HMCN1: variants seen among roughly 807,000 people sequenced by gnomAD.
HMCN1 encodes the protein hemicentin-1.
In HMCN1, 321 loss-of-function variants were observed where a neutral mutation model predicts 625.9. The ratio of observed to expected loss-of-function variants is 0.51; its 90% CI spans 0.47 to 0.56. The LOEUF is 0.56. Among genes scored for constraint, HMCN1 ranks in the 20% least tolerant of loss-of-function variants. The pLI is 0.00. For synonymous variants in HMCN1, 2,425 were observed against 2,417.6 expected (o/e 1.00, Z -0.09); for missense variants, 6,588 against 6,887.3 (o/e 0.96, Z 1.54).
intron 4 of HMCN1, 54 bp from the exon 5 acceptor site, chr1:185,909,283 A>G: frequency 7.0e-7 from 1 of 1,418,882 alleles, no homozygotes; most frequent in Non-Finnish European, 1.0e-6. Context: ...CAGCAATGAT[A>G]TAAAACTGCG....
At chr1:186,176,768 C>CAT (rs1327918277) in intron 103 of HMCN1, 1 of 148,586 alleles carries the variant, frequency 6.7e-6, no homozygotes, top group Non-Finnish European at 1.5e-5. Flanking sequence ...CATAAGGAAA[C>CAT]ATAAAACATA....
intron 50 of HMCN1, 97 bp from the exon 51 acceptor site, chr1:186,069,566 A>G: frequency 2.6e-6 from 2 of 767,040 alleles, no homozygotes; most frequent in South Asian, 2.9e-5. Flanking sequence ...ATGTAAAAAG[A>G]AATATGTTAA....
intron 80 of HMCN1, among the ~76,000 whole-genome samples, chr1:186,122,466 T>G (rs561600901): frequency 2.0e-5 from 3 of 152,310 alleles, no homozygotes; most frequent in Admixed American, 2.0e-4. Flanking sequence ...CATGATCTAT[T>G]TATGTATTCA....
At chr1:185,883,446 A>G (rs558191282) in intron 4 of HMCN1, among the ~76,000 whole-genome samples, 2 of 151,906 alleles carry the variant, frequency 1.3e-5, no homozygotes, top group Admixed American at 1.3e-4. Context: ...TTGACAACTG[A>G]TTTGTTTTCC....
At chr1:186,164,956 G>T (rs968068189) in intron 97 of HMCN1, among the ~76,000 whole-genome samples, 155 bp from the exon 98 acceptor site, 2 of 152,168 alleles carry the variant, frequency 1.3e-5, no homozygotes, top group African/African-American at 4.8e-5. Context: ...TTTAGAAACA[G>T]GAAAAGTTTT....
intron 1 of HMCN1, among the ~76,000 whole-genome samples, chr1:185,768,963 G>A (rs1016675418): frequency 3.3e-5 from 5 of 152,086 alleles, no homozygotes; most frequent in Non-Finnish European, 7.4e-5. Flanking sequence ...CTGGTACATA[G>A]CAGGTTAAAA....
chr1:185,777,030 C>G (rs943183966), intron 1 of HMCN1, among the ~76,000 whole-genome samples: 5 of 152,172 alleles, frequency 3.3e-5, no homozygotes, highest in Admixed American at 1.3e-4. Flanking sequence ...ACTTACTGTT[C>G]AAGTGTAAAA....
At chr1:186,137,728 A>G (rs1359968908) in intron 88 of HMCN1, 60 bp downstream of exon 88, 1 of 1,613,746 alleles carries the variant, frequency 6.2e-7, no homozygotes. Context: ...TCTGTCTTCT[A>G]CCTATGGATT....
chr1:185,895,031 T>C (rs971107117), intron 4 of HMCN1, among the ~76,000 whole-genome samples: 3 of 152,210 alleles, frequency 2.0e-5, no homozygotes, highest in African/African-American at 7.2e-5. Context: ...GAGTTAGTTA[T>C]GTGAATGCCT....
At chr1:186,178,817 A>G in intron 104 of HMCN1, 51 bp downstream of exon 104, 1 of 1,190,384 alleles carries the variant, frequency 8.4e-7, no homozygotes, top group Non-Finnish European at 1.3e-6. Flanking sequence ...CTTACTGATC[A>G]AAGTATGTGT....
chr1:186,079,596 T>G (rs530916005), intron 55 of HMCN1, among the ~76,000 whole-genome samples: 1 of 152,286 alleles, frequency 6.6e-6, no homozygotes, highest in Admixed American at 6.5e-5. Context: ...GCCTATTCCT[T>G]GACCAAACAC....
At chr1:185,902,455 T>C (rs1665873010) in intron 4 of HMCN1, among the ~76,000 whole-genome samples, 1 of 147,282 alleles carries the variant, frequency 6.8e-6, no homozygotes, top group Non-Finnish European at 1.5e-5. Flanking sequence ...ATCTATCTAA[T>C]TTTGCAAATG....
chr1:186,081,482 A>G, intron 56 of HMCN1, 88 bp downstream of exon 56: 2 of 890,536 alleles, frequency 2.2e-6, no homozygotes, highest in African/African-American at 1.7e-5. Flanking sequence ...AATAATTTTT[A>G]TTAGCTTGTA....
chr1:185,781,432 G>T (rs1657094853), intron 1 of HMCN1, among the ~76,000 whole-genome samples: 1 of 152,060 alleles, frequency 6.6e-6, no homozygotes, highest in Non-Finnish European at 1.5e-5. Flanking sequence ...TCTTTTAATT[G>T]TAATGTTAAG....
At chr1:185,876,392 G>C (rs1443099630) in intron 4 of HMCN1, among the ~76,000 whole-genome samples, 1 of 151,910 alleles carries the variant, frequency 6.6e-6, no homozygotes, top group Non-Finnish European at 1.5e-5. Flanking sequence ...TGTCTTTTTT[G>C]GGTATAACAA....
At position 186,015,223 on chromosome 1, in the gene HMCN1, T is replaced by G. The variant is rs770083007; in HGVS notation, c.4695T>G (p.Ile1565Met). The change falls in exon 31 of 107, where the codon ATT becomes ATG. Residue 1565 changes from isoleucine (I) to methionine (M), a missense_variant. Physicochemically the swap from Ile to Met is conservative, Grantham distance 10 (BLOSUM62 1). This residue lies in a region of HMCN1 where 4,628 missense variants were observed against 4,853.1 expected (regional missense o/e 0.95). Transcript: ENST00000271588. ...TATCAGTATTGATCAACAGCCTTAT[T>G]AAACTGGAATGTGAAACACGGGGAC... ...TDISVLINSL[I>M]KLECETRGLP... is the part of the protein sequence containing the mutation. The G allele has an allele frequency of 4.9e-5, 79 of 1,613,672 alleles. No homozygotes were observed. Among genetic ancestry groups the G allele is most frequent in the Non-Finnish European group, 6.5e-5 (77 of 1,179,696 alleles).
intron 33 of HMCN1, among the ~76,000 whole-genome samples, chr1:186,017,356 ACAGTCTATTAAG>A (rs1296743750): frequency 2.6e-5 from 4 of 152,048 alleles, no homozygotes; most frequent in Admixed American, 1.3e-4. Flanking sequence ...ATTCACAGAG[ACAGTCTATTAAG>A]CAGCATTGTC....
At chr1:186,133,200 A>C (rs930336644) in intron 86 of HMCN1, among the ~76,000 whole-genome samples, 3 of 152,004 alleles carry the variant, frequency 2.0e-5, no homozygotes, top group African/African-American at 7.3e-5. Context: ...TGCTGCTATA[A>C]AGGTGGCAGA....
At position 185,851,177 on chromosome 1, in the gene HMCN1, C is replaced by T. The variant is rs1375516640; in HGVS notation, c.339+5081C>T. ...TGATTTTCAAACCCTTCTCCAGTTC[C>T]CTTTCTGCCATTTTTAGTAACTCCC... is the stretch of plus-strand genomic sequence containing the variant. On this transcript the variant is annotated intron_variant, in intron 2 of 106. Transcript: ENST00000271588. Among the ~76,000 whole-genome samples the T allele has an allele frequency of 3.9e-5, 6 of 151,980 alleles. No homozygotes were observed. The South Asian group carries it at 1.2e-3, about 32-fold the overall frequency.
Sources: gnomAD v4.1 joint callset for allele counts (sites outside exome capture counted in the v4.1 genomes callset) on GRCh38, gnomAD v4.1.1 for gene constraint, gnomAD v4.1.1 regional missense constraint, MANE v1.5 for transcripts, NCBI Gene and HGNC (gene_info 2026-07-23, HGNC 2026-07-21) for gene names.